ABR: variants seen among roughly 807,000 people sequenced by gnomAD.
ABR encodes active breakpoint cluster region-related protein.
ABR carries 35 observed loss-of-function variants against 107.2 expected under a neutral mutation model. That is an observed-to-expected ratio of 0.33 (90% CI 0.25 to 0.43). The LOEUF is 0.43. ABR is among the 20% of genes least tolerant of loss of function. The pLI is 1.00. For synonymous variants in ABR, 498 were observed against 462.0 expected, an observed-to-expected ratio of 1.08 and a Z score of -1.00; for missense variants, 815 against 1,115.2, an observed-to-expected ratio of 0.73 and a Z score of 3.83.
intron 16 of ABR, among the ~76,000 whole-genome samples, chr17:1,044,325 C>T (rs566532641): frequency 8.5e-4 from 130 of 152,278 alleles, no homozygotes; most frequent in African/African-American, 3.0e-3. Flanking sequence ...TCCTTCTCTC[C>T]GGAAAACAGG....
chr17:1,211,322 AATAAAT>A (rs1351780802), intron 1 of ABR, among the ~76,000 whole-genome samples: 1 of 151,248 alleles, frequency 6.6e-6, no homozygotes, highest in Non-Finnish European at 1.5e-5. Context: ...AATAATGAAA[AATAAAT>A]AAAAATATGG....
chr17:1,108,970 G>C, intron 2 of ABR: 1 of 1,597,420 alleles, frequency 6.3e-7, no homozygotes, highest in South Asian at 1.1e-5. Flanking sequence ...CTGAGCCGGG[G>C]CTGGTCGGGG....
Position 1,179,315 on chromosome 17 carries a change from C to T in ABR, c.61+352G>A, listed in dbSNP as rs563014277. Among the ~76,000 whole-genome samples, 5 of 152,162 alleles carry T rather than the reference C, an allele frequency of 3.3e-5. No individual in the cohort carries two copies. The highest frequency in any genetic ancestry group is 1.3e-4 in the Admixed American group (2 of 15,294). Reference sequence around the variant, plus strand: ...GGGCGGGGGCAGCACCCAGAAGGGCCTCCCTCCCCTGAGGCTCGCGGAGGC... The same window carrying T: ...GGGCGGGGGCAGCACCCAGAAGGGCTTCCCTCCCCTGAGGCTCGCGGAGGC... On this transcript the variant is annotated intron_variant, in intron 1 of 22. Coordinates refer to ENST00000302538, the MANE Select transcript of ABR (RefSeq NM_021962.5). The surrounding 1 kb of genome is among the most constrained non-coding windows in gnomAD (Gnocchi z 4.9).
chr17:1,217,245 C>CG (rs1247129398), intron 1 of ABR, among the ~76,000 whole-genome samples: 1 of 152,206 alleles, frequency 6.6e-6, no homozygotes, highest in Non-Finnish European at 1.5e-5. Context: ...ACCGTCCCCC[C>CG]CAAGGCTGCA....
Position 1,203,384 on chromosome 17 carries a change from G to A in ABR, c.838+25409C>T, listed in dbSNP as rs1250175061. ...CGGTCCCCCGTGGGGGCGGGGCCTT[G>A]AGGGGGCGGGGCCCGCGGGGGGCGG... On this transcript the variant is annotated intron_variant, in intron 1 of 22. Transcript: ENST00000574139. Among the ~76,000 whole-genome samples the A allele has an allele frequency of 2.7e-3, 219 of 82,522 alleles. 24 individuals carry two copies. The highest frequency in any genetic ancestry group is 0.022 in the Admixed American group (213 of 9,650). The allele number at this position is 82,522 out of a possible 152,430, so 54.1% of individuals were successfully genotyped here.
chr17:1,017,631 C>T (rs1367015736), intron 16 of ABR, among the ~76,000 whole-genome samples: 2 of 151,810 alleles, frequency 1.3e-5, no homozygotes, highest in Non-Finnish European at 2.9e-5. Context: ...TCACACCCGG[C>T]TAATTTTTGT....
rs1487249575 is a variant in ABR, at chr17:1,067,211, T to C, written c.1048A>G (p.Ile350Val). Residue 350 changes from isoleucine to valine, a missense_variant, in exon 10 of 23, where the codon ATC becomes GTC. By Grantham distance (29) the Ile-to-Val change is conservative (BLOSUM62 3). This residue lies in a region of ABR where 385 missense variants were observed against 596.9 expected (regional missense o/e 0.64). Transcript: ENST00000302538. ...KHQQYDCKWYIPLADLVFPSP... is the reference protein window; with the variant it reads ...KHQQYDCKWYVPLADLVFPSP... ...GGAAACACCAGGTCGGCCAGGGGGA[T>C]GTACCACTTACAGTCATACTGCTGG... 3 of 1,609,422 alleles carry C rather than the reference T, an allele frequency of 1.9e-6. No homozygotes were observed. The highest frequency in any genetic ancestry group is 1.1e-5 in the South Asian group (1 of 90,406).
chr17:1,134,113 CT>C (rs1356281030), intron 1 of ABR, among the ~76,000 whole-genome samples: 1 of 152,146 alleles, frequency 6.6e-6, no homozygotes, highest in East Asian at 1.9e-4. Context: ...AACCCCATCT[CT>C]ACAGAAACTA....
At chr17:1,121,435 C>T (rs1339596887) in intron 2 of ABR, among the ~76,000 whole-genome samples, 1 of 152,240 alleles carries the variant, frequency 6.6e-6, no homozygotes, top group Non-Finnish European at 1.5e-5. Flanking sequence ...GCCCTGGTGG[C>T]CAAGGGCTGT....
chr17:1,141,648 AG>A (rs2040289271), intron 1 of ABR, among the ~76,000 whole-genome samples: 1 of 152,146 alleles, frequency 6.6e-6, no homozygotes, highest in African/African-American at 2.4e-5. Flanking sequence ...AAAACAAACC[AG>A]GGCTTTGGCA....
intron 1 of ABR, among the ~76,000 whole-genome samples, chr17:1,225,148 CAA>C (rs57761576): frequency 2.3e-3 from 279 of 119,048 alleles, no homozygotes; most frequent in Middle Eastern, 4.4e-3. Flanking sequence ...GACTCCATCT[CAA>C]AAAAAAAAAA....
rs1381654139 is a variant in ABR, at chr17:1,078,700, G to A, written c.700+630C>T. On this transcript the variant is annotated intron_variant, in intron 6 of 22. Coordinates refer to ENST00000302538, the MANE Select transcript of ABR (RefSeq NM_021962.5). The surrounding 1 kb of genome is among the most constrained non-coding windows in gnomAD (Gnocchi z 7.5). ...AGGGGGAATTCAGGTCCAGCCGCTC[G>A]CCCACCCTCCTTCCCTGCGGCCCTC... 11 of 1,121,694 alleles carry A rather than the reference G, an allele frequency of 9.8e-6. No individual in the cohort carries two copies. Among genetic ancestry groups the A allele is most frequent in the Admixed American group, 2.4e-5 (1 of 41,254 alleles). 69.5% of individuals were successfully genotyped at this position (1,121,694 alleles called of 1,614,324 possible). A position where few individuals can be genotyped will look rare whatever the true frequency, so the allele number is the denominator to read the frequency against.
rs56033950 is a variant in ABR at position 1,022,120 on chromosome 17, A to AAAAAAAAAAAAAAAC, written c.1792-8957_1792-8956insGTTTTTTTTTTTTTT. ...AGACTCTGTCTCAAAAAAAAAAAAA[A>AAAAAAAAAAAAAAAC]AAAAACAGAAAATGACTCCAGAAGG... On this transcript the variant is annotated intron_variant, in intron 16 of 22. Coordinates refer to ENST00000302538, the MANE Select transcript of ABR (RefSeq NM_021962.5). Among the ~76,000 whole-genome samples, 721 of 118,254 alleles carry AAAAAAAAAAAAAAAC rather than the reference A, an allele frequency of 6.1e-3. 59 individuals are homozygous for AAAAAAAAAAAAAAAC. Among genetic ancestry groups the AAAAAAAAAAAAAAAC allele is most frequent in the East Asian group, 0.014 (55 of 3,800 alleles). 77.6% of individuals were successfully genotyped at this position (118,254 alleles called of 152,430 possible). A position where few individuals can be genotyped will look rare whatever the true frequency, so the allele number is the denominator to read the frequency against.
At chr17:1,137,187 G>A (rs531634199) in intron 1 of ABR, among the ~76,000 whole-genome samples, 5 of 152,128 alleles carry the variant, frequency 3.3e-5, no homozygotes, top group African/African-American at 1.2e-4. Flanking sequence ...GGAATTACAG[G>A]CGCCCGCCAC....
rs1465220161 is a variant in ABR at position 1,005,656 on chromosome 17, AG to A, written c.*423del. ...AGACCGCCATCTGGGAGCAGGGCCA[AG>A]AGAGAAGCTGGCAGCAGTTACACAG... On this transcript the variant is annotated 3_prime_UTR_variant, in exon 23 of 23. Coordinates refer to ENST00000302538, the MANE Select transcript of ABR (RefSeq NM_021962.5). 3.1e-4 allele frequency: 22 copies of A among 71,696 alleles called. No individual in the cohort carries two copies. The highest frequency in any genetic ancestry group is 7.4e-4 in the Non-Finnish European group (21 of 28,252). 4.4% of individuals were successfully genotyped at this position (71,696 alleles called of 1,614,324 possible).
intron 1 of ABR, among the ~76,000 whole-genome samples, chr17:1,167,515 G>A (rs192360911): frequency 6.6e-6 from 1 of 151,932 alleles, no homozygotes; most frequent in East Asian, 1.9e-4. Context: ...GTAAGCCGAG[G>A]AGCTTTTCAG....
At chr17:1,030,539 G>A (rs976424701) in intron 16 of ABR, among the ~76,000 whole-genome samples, 2 of 152,264 alleles carry the variant, frequency 1.3e-5, no homozygotes, top group African/African-American at 4.8e-5. Flanking sequence ...GGCCAGTGCA[G>A]TACAGCTCAA....
At chr17:1,158,388 G>A (rs371241033) in intron 1 of ABR, among the ~76,000 whole-genome samples, 8 of 151,086 alleles carry the variant, frequency 5.3e-5, no homozygotes, top group South Asian at 4.3e-4. Context: ...GAACCACCGC[G>A]CCCAGCCGTC....
At chr17:1,091,572 G>A (rs2257526) in intron 4 of ABR, 93 bp downstream of exon 4, 553,832 of 1,435,086 alleles carry the variant, frequency 0.39, 108,782 homozygotes, top group South Asian at 0.46. Flanking sequence ...CAAGGAGTCC[G>A]AGAGGGCTGC....
Sources: allele counts gnomAD v4.1 joint callset (sites outside exome capture counted in the v4.1 genomes callset), GRCh38; gene constraint gnomAD v4.1.1; regional missense constraint gnomAD v4.1.1; non-coding constraint Gnocchi (gnomAD v3.1); transcripts MANE v1.5; gene names NCBI Gene and HGNC (gene_info 2026-07-23, HGNC 2026-07-21).